PEDS1: variants seen among roughly 807,000 people sequenced by gnomAD.
PEDS1 encodes plasmanylethanolamine desaturase 1, also known as CarF homolog.
A neutral mutation model predicts 35.2 loss-of-function variants in PEDS1; 14 were observed. The ratio of observed to expected loss-of-function variants is 0.40; its 90% CI spans 0.26 to 0.62. The LOEUF is 0.62. PEDS1 is among the 20% of genes least tolerant of loss of function. PEDS1 has a pLI of 0.44. For synonymous variants in PEDS1, 152 were observed against 152.0 expected (o/e 1.00, Z 0.00); for missense variants, 260 against 367.8 (o/e 0.71, Z 2.40).
intron 2 of PEDS1, among the ~76,000 whole-genome samples, chr20:50,132,670 G>C (rs2081192361): frequency 6.6e-6 from 1 of 152,164 alleles, no homozygotes; most frequent in South Asian, 2.1e-4. Context: ...CCCCCAACAA[G>C]GAGGTTGGCT....
Position 50,153,702 on chromosome 20 carries a change from C to T in PEDS1, c.-65G>A, listed in dbSNP as rs2081431940. On this transcript the variant is annotated 5_prime_UTR_variant, in exon 1 of 6. Transcript: ENST00000371652. ...CGGCGGCGGCAGGGCCGCGGAACCG[C>T]GGCGAGATCACGCCGCCCAATGACC... 8.5e-7 allele frequency: 1 copy of T among 1,171,302 alleles called. No individual in the cohort carries two copies. Among genetic ancestry groups the T allele is most frequent in the Admixed American group, 4.6e-5 (1 of 21,514 alleles). The allele number at this position is 1,171,302 out of a possible 1,614,324, so 72.6% of individuals were successfully genotyped here. A position where few individuals can be genotyped will look rare whatever the true frequency, so the allele number is the denominator to read the frequency against.
At chr20:50,147,243 A>AG (rs570719287) in intron 1 of PEDS1, among the ~76,000 whole-genome samples, 97 of 152,340 alleles carry the variant, frequency 6.4e-4, no homozygotes, top group African/African-American at 2.3e-3. Flanking sequence ...AAAGTGAGCT[A>AG]AATTTGAAAA....
chr20:50,134,204 T>C (rs911958252), intron 2 of PEDS1, among the ~76,000 whole-genome samples: 2 of 152,208 alleles, frequency 1.3e-5, no homozygotes, highest in African/African-American at 2.4e-5. Flanking sequence ...CCTGTCCCCA[T>C]AGCTCGGACT....
chr20:50,153,625 C>T lies in PEDS1; in HGVS notation c.13G>A (p.Glu5Lys), dbSNP rs1389604193. The T allele has an allele frequency of 7.9e-7, 1 of 1,271,608 alleles. No homozygotes were observed. The highest frequency in any genetic ancestry group is 2.5e-5 in the South Asian group (1 of 39,522). 78.8% of individuals were successfully genotyped at this position (1,271,608 alleles called of 1,614,324 possible). A position where few individuals can be genotyped will look rare whatever the true frequency, so the allele number is the denominator to read the frequency against. Residue 5 changes from glutamate (E) to lysine (K), a missense_variant, in exon 1 of 6, where the codon GAG becomes AAG. By Grantham distance (56) the Glu-to-Lys change is moderately conservative. Around this residue, in one of 4 missense-constraint regions of PEDS1, gnomAD observed 114 missense variants for 121.6 expected, o/e 0.94. Coordinates refer to ENST00000371652, the MANE Select transcript of PEDS1 (RefSeq NM_199129.4). Reference protein sequence around the residue: MAGAENWPGQQLELD... With the variant: MAGAKNWPGQQLELD... ...TCCAGCTGCTGGCCCGGCCAGTTCT[C>T]GGCGCCCGCCATGGCCACTCGCCCG...
intron 5 of PEDS1, among the ~76,000 whole-genome samples, chr20:50,125,502 A>G (rs1274946717): frequency 1.3e-5 from 2 of 152,122 alleles, no homozygotes; most frequent in Non-Finnish European, 2.9e-5. Flanking sequence ...GCCTTCCCTG[A>G]TCATCCACTT....
intron 2 of PEDS1, among the ~76,000 whole-genome samples, chr20:50,142,942 G>A (rs2147296607): frequency 6.6e-6 from 1 of 152,248 alleles, no homozygotes; most frequent in South Asian, 2.1e-4. Flanking sequence ...CGTGGCAGGT[G>A]CAGGGTGACC....
chr20:50,150,987 C>T (rs145640526), intron 1 of PEDS1, among the ~76,000 whole-genome samples: 61 of 152,214 alleles, frequency 4.0e-4, no homozygotes, highest in African/African-American at 1.4e-3. Flanking sequence ...TGAGCCACCG[C>T]GCCCGGCCAG....
chr20:50,152,267 C>A lies in PEDS1; in HGVS notation c.121+1250G>T, dbSNP rs113476195. 3.1e-3 allele frequency among the ~76,000 whole-genome samples: 467 copies of A among 152,310 alleles called. 4 individuals are homozygous for A. The highest frequency in any genetic ancestry group is 0.011 in the African/African-American group (438 of 41,570). Reference sequence around the variant, plus strand: ...GCCATGCCGCCTTTTAAGGAAGAGACGGCATGGAACCCAGGCCAGTGAGGG... The same window carrying A: ...GCCATGCCGCCTTTTAAGGAAGAGAAGGCATGGAACCCAGGCCAGTGAGGG... On this transcript the variant is annotated intron_variant, in intron 1 of 5. Coordinates refer to ENST00000371652, the MANE Select transcript of PEDS1 (RefSeq NM_199129.4).
At chr20:50,132,722 C>T (rs2081192802) in intron 2 of PEDS1, among the ~76,000 whole-genome samples, 5 of 152,190 alleles carry the variant, frequency 3.3e-5, no homozygotes. Context: ...GGCTGCATCC[C>T]AGCTCTTGGC....
chr20:50,139,126 A>AGGAC lies in PEDS1; in HGVS notation c.241+4372_241+4375dup, dbSNP rs540083775. Among the ~76,000 whole-genome samples the AGGAC allele has an allele frequency of 3.5e-4, 54 of 152,242 alleles. No individual in the cohort carries two copies. The East Asian group carries it at 0.01, about 29-fold the overall frequency. The stretch of plus-strand genomic sequence containing the variant: ...AGATCCAGACTCCACTTCCAGCCAC[A>AGGAC]GGACGGGCCACGACCCGAGCCTGGG... On this transcript the variant is annotated intron_variant, in intron 2 of 5. Coordinates refer to ENST00000371652, the MANE Select transcript of PEDS1 (RefSeq NM_199129.4).
At chr20:50,140,414 T>C (rs987443853) in intron 2 of PEDS1, among the ~76,000 whole-genome samples, 3 of 152,262 alleles carry the variant, frequency 2.0e-5, no homozygotes, top group African/African-American at 4.8e-5. Context: ...CAGGCCCTCA[T>C]GGCCCCACAA....
At position 50,125,042 on chromosome 20, in the gene PEDS1, A is replaced by G. The variant is rs1275587019; in HGVS notation, c.*16T>C. 4 of 1,612,754 alleles carry G rather than the reference A, an allele frequency of 2.5e-6. No homozygotes were observed. On this transcript the variant is annotated 3_prime_UTR_variant, in exon 6 of 6. Transcript: ENST00000371652. ...GGCTAGGGAAGGTTGGCAACCAGGT[A>G]GCAGGCTCGGAGAAGTTATTTGATC...
chr20:50,127,481 A>C (rs938300999), intron 5 of PEDS1, among the ~76,000 whole-genome samples: 5 of 151,106 alleles, frequency 3.3e-5, no homozygotes, highest in Admixed American at 1.3e-4. Context: ...AGCTGGGATT[A>C]CAGGTGCCTG....
chr20:50,143,358 G>T, intron 2 of PEDS1, 144 bp downstream of exon 2: 2 of 1,352,148 alleles, frequency 1.5e-6, no homozygotes, highest in Non-Finnish European at 2.0e-6. Flanking sequence ...GCTGCTGACT[G>T]CAATAGGGAG....
intron 2 of PEDS1, 78 bp from the exon 3 acceptor site, chr20:50,131,025 C>A: frequency 6.2e-7 from 1 of 1,610,422 alleles, no homozygotes; most frequent in Non-Finnish European, 8.5e-7. Flanking sequence ...CTCACTTGCC[C>A]GCTCATTCAT....
At chr20:50,139,050 G>A (rs2081265181) in intron 2 of PEDS1, among the ~76,000 whole-genome samples, 3 of 152,124 alleles carry the variant, frequency 2.0e-5, no homozygotes, top group Admixed American at 6.5e-5. Flanking sequence ...GCAAATCCAT[G>A]GGTTTCGGTC....
intron 2 of PEDS1, among the ~76,000 whole-genome samples, chr20:50,135,169 ATG>A (rs1224519187): frequency 6.6e-6 from 1 of 151,068 alleles, no homozygotes; most frequent in East Asian, 2.0e-4. Flanking sequence ...TGGGCAACAG[ATG>A]GAGACTCCAT....
intron 3 of PEDS1, 38 bp downstream of exon 3, chr20:50,130,818 C>T: frequency 1.2e-6 from 2 of 1,612,748 alleles, no homozygotes; most frequent in African/African-American, 1.3e-5. Flanking sequence ...TACAGCCCAA[C>T]CTCCTTCTTG....
rs1038274459 is a variant in PEDS1, at chr20:50,120,136, C to G, written c.*4922G>C. Reference sequence around the variant, plus strand: ...AAAAATTAGCTGGATGTGGTGGTGTCCATCTGTAGTCCTAGCTACTCAGGA... The same window carrying G: ...AAAAATTAGCTGGATGTGGTGGTGTGCATCTGTAGTCCTAGCTACTCAGGA... On this transcript the variant is annotated 3_prime_UTR_variant, in exon 6 of 6. Transcript: ENST00000371652. The G allele has an allele frequency of 2.0e-5, 3 of 153,466 alleles. No homozygotes were observed. Among genetic ancestry groups the G allele is most frequent in the Admixed American group, 6.5e-5 (1 of 15,306 alleles). The allele number at this position is 153,466 out of a possible 1,614,324, so 9.5% of individuals were successfully genotyped here.
Sources: allele counts gnomAD v4.1 joint callset (sites outside exome capture counted in the v4.1 genomes callset), GRCh38; gene constraint gnomAD v4.1.1; regional missense constraint gnomAD v4.1.1; transcripts MANE v1.5; gene names NCBI Gene and HGNC (gene_info 2026-07-23, HGNC 2026-07-21).